Variants in DHX57 observed in about 807,000 individuals in gnomAD.
DHX57 encodes putative ATP-dependent RNA helicase DHX57.
A neutral mutation model predicts 156.2 loss-of-function variants in DHX57; 105 were observed. The observed-to-expected ratio is 0.67, with a 90% CI of 0.57 to 0.79. The LOEUF is 0.79. Among genes scored for constraint, DHX57 ranks in the 30% least tolerant of loss-of-function variants. DHX57 has a pLI of 0.00. For synonymous variants in DHX57, 704 were observed against 595.6 expected, an observed-to-expected ratio of 1.18 and a Z score of -2.65; for missense variants, 1,847 against 1,661.9, an observed-to-expected ratio of 1.11 and a Z score of -1.94.
At chr2:38,818,729 G>T in intron 19 of DHX57, 148 bp downstream of exon 19, 2 of 789,524 alleles carry the variant, frequency 2.5e-6, no homozygotes, top group Non-Finnish European at 2.0e-6. Flanking sequence ...CACAGTGCGG[G>T]AGTCCATTTT....
chr2:38,842,823 TAGTAAC>T (rs1490214309), intron 12 of DHX57, among the ~76,000 whole-genome samples, 176 bp downstream of exon 12: 85 of 152,214 alleles, frequency 5.6e-4, no homozygotes, highest in African/African-American at 2.0e-3. Context: ...TTGGCAAATA[TAGTAAC>T]AATTGTATTC....
At chr2:38,802,356 C>T (rs373102727) in intron 23 of DHX57, among the ~76,000 whole-genome samples, 19 of 151,302 alleles carry the variant, frequency 1.3e-4, no homozygotes, top group African/African-American at 4.1e-4. Flanking sequence ...GGCACGATCT[C>T]GGCTCACTGC....
chr2:38,872,478 T>G (rs910347243), intron 1 of DHX57, among the ~76,000 whole-genome samples: 1 of 152,210 alleles, frequency 6.6e-6, no homozygotes, highest in Non-Finnish European at 1.5e-5. Context: ...ATATATTCTG[T>G]CTGCAGGAGA....
chr2:38,806,627 C>G lies in DHX57; in HGVS notation c.3748G>C (p.Ala1250Pro), dbSNP rs760385932. ...TTCTTGGTGACAAACTTCAACTCAG[C>G]TGATTTTGGTTGCATTCTGACAGCT... ...TGAVRMQPKS[A>P]ELKFVTKNDG... Residue 1250 changes from alanine (A) to proline (P), a missense_variant, in exon 22 of 24, where the codon GCT (alanine) becomes CCT (proline). By Grantham distance (27) the Ala-to-Pro change is conservative. Coordinates refer to ENST00000457308, the MANE Select transcript of DHX57 (RefSeq NM_198963.3). 2 of 1,614,142 alleles carry G rather than the reference C, an allele frequency of 1.2e-6. No individual in the cohort carries two copies. The highest frequency in any genetic ancestry group is 3.3e-5 in the Admixed American group (2 of 59,998).
At chr2:38,857,055 T>G (rs1332143134) in intron 6 of DHX57, 3 of 153,598 alleles carry the variant, frequency 2.0e-5, no homozygotes, top group Non-Finnish European at 4.4e-5. Flanking sequence ...ATACCAGTAC[T>G]GTCCAATAGA....
At chr2:38,815,380 G>A in intron 20 of DHX57, 141 bp downstream of exon 20, 1 of 1,117,428 alleles carries the variant, frequency 8.9e-7, no homozygotes. Context: ...ATATTTATTT[G>A]TGCGAAGCAG....
intron 9 of DHX57, among the ~76,000 whole-genome samples, chr2:38,850,625 C>T (rs1294891764): frequency 7.3e-6 from 1 of 137,686 alleles, no homozygotes; most frequent in Admixed American, 7.4e-5. Flanking sequence ...TGAAAACATT[C>T]TTATACTACT....
chr2:38,841,258 TG>T (rs1572673117), intron 12 of DHX57, among the ~76,000 whole-genome samples: 2 of 152,362 alleles, frequency 1.3e-5, no homozygotes, highest in East Asian at 3.9e-4. Context: ...ACTTACTAGC[TG>T]GGCACTATCC....
intron 19 of DHX57, among the ~76,000 whole-genome samples, 155 bp downstream of exon 19, chr2:38,818,722 A>C (rs530755031): frequency 6.6e-6 from 1 of 152,350 alleles, no homozygotes; most frequent in East Asian, 1.9e-4. Context: ...CTGATGCCAC[A>C]GTGCGGGAGT....
intron 21 of DHX57, chr2:38,811,734 G>A (rs1000769986): frequency 5.2e-6 from 3 of 574,140 alleles, no homozygotes; most frequent in South Asian, 3.6e-5. Context: ...GGCCTGGGGA[G>A]CAAAGGCAGG....
chr2:38,854,313 C>G, intron 8 of DHX57, 135 bp from the exon 9 acceptor site: 1 of 816,496 alleles, frequency 1.2e-6, no homozygotes, highest in Non-Finnish European at 1.8e-6. Context: ...GGAAACCATA[C>G]TAAACATAGT....
chr2:38,827,577 T>TAC (rs1671167012), intron 14 of DHX57, among the ~76,000 whole-genome samples: 2 of 132,966 alleles, frequency 1.5e-5, no homozygotes, highest in African/African-American at 5.7e-5. Context: ...CACACATACA[T>TAC]ACACACACAC....
intron 13 of DHX57, among the ~76,000 whole-genome samples, chr2:38,833,551 A>C (rs1290912905): frequency 6.6e-6 from 1 of 152,196 alleles, no homozygotes; most frequent in Admixed American, 6.6e-5. Flanking sequence ...GATTTAGTTA[A>C]GAGAAGATTT....
At chr2:38,864,735 A>ATCTCTCCTCCCTCTAGCTACTGT (rs1664968044) in intron 2 of DHX57, among the ~76,000 whole-genome samples, 1 of 152,124 alleles carries the variant, frequency 6.6e-6, no homozygotes, top group African/African-American at 2.4e-5. Flanking sequence ...GTAGCTACTG[A>ATCTCTCCTCCCTCTAGCTACTGT]CCCATCTCTC....
intron 23 of DHX57, among the ~76,000 whole-genome samples, chr2:38,799,366 CA>C (rs1558346680): frequency 1.3e-5 from 1 of 79,948 alleles, no homozygotes. Context: ...AACTCCGTTT[CA>C]AAAAAAAGAA....
At chr2:38,800,161 G>A (rs1231489543) in intron 23 of DHX57, among the ~76,000 whole-genome samples, 1 of 148,824 alleles carries the variant, frequency 6.7e-6, no homozygotes, top group African/African-American at 2.5e-5. Flanking sequence ...CTTCAGCCTG[G>A]GCAACAAGAG....
At chr2:38,855,313 G>A (rs1191201340) in intron 7 of DHX57, 61 bp from the exon 8 acceptor site, 3 of 1,503,568 alleles carry the variant, frequency 2.0e-6, no homozygotes, top group Non-Finnish European at 2.8e-6. Flanking sequence ...AACTAAAGAA[G>A]CAATCATATG....
chr2:38,860,858 C>G, intron 5 of DHX57, 141 bp downstream of exon 5: 1 of 706,606 alleles, frequency 1.4e-6, no homozygotes. Context: ...AGGGAATTCT[C>G]ATTCCCTTTT....
chr2:38,865,870 C>A (rs966625801), intron 2 of DHX57, among the ~76,000 whole-genome samples: 27 of 152,176 alleles, frequency 1.8e-4, no homozygotes, highest in Non-Finnish European at 2.2e-4. Context: ...GAGAACATCT[C>A]CTAACTGGTC....
Sources: gnomAD v4.1 joint callset for allele counts (sites outside exome capture counted in the v4.1 genomes callset) on GRCh38, gnomAD v4.1.1 for gene constraint, MANE v1.5 for transcripts, NCBI Gene and HGNC (gene_info 2026-07-23, HGNC 2026-07-21) for gene names.